Variants in CSMD1 observed in about 807,000 individuals in gnomAD.
CSMD1 encodes CUB and sushi domain-containing protein 1.
CSMD1 carries 213 observed loss-of-function variants against 417.5 expected under a neutral mutation model. The observed-to-expected ratio is 0.51, with a 90% CI of 0.46 to 0.57. The LOEUF is 0.57. Ranked by LOEUF, CSMD1 falls within the 20% of genes least tolerant of loss-of-function variation. CSMD1 has a pLI of 0.00. For synonymous variants in CSMD1, 2,862 were observed against 1,736.8 expected, an observed-to-expected ratio of 1.65 and a Z score of -16.11; for missense variants, 6,923 against 4,529.7, an observed-to-expected ratio of 1.53 and a Z score of -15.17.
At chr8:4,878,447 T>G (rs776380729) in intron 1 of CSMD1, among the ~76,000 whole-genome samples, 7 of 151,936 alleles carry the variant, frequency 4.6e-5, no homozygotes, top group Non-Finnish European at 8.8e-5. Flanking sequence ...CCTTGTGGGT[T>G]TTTTGGAGGA....
At chr8:3,813,138 C>A (rs1447560257) in intron 5 of CSMD1, among the ~76,000 whole-genome samples, 1 of 145,760 alleles carries the variant, frequency 6.9e-6, no homozygotes, top group African/African-American at 2.6e-5. Flanking sequence ...CACATATGTT[C>A]CCACTGGCAT....
At chr8:3,503,188 A>C (rs751139933) in intron 10 of CSMD1, among the ~76,000 whole-genome samples, 1 of 152,262 alleles carries the variant, frequency 6.6e-6, no homozygotes, top group Non-Finnish European at 1.5e-5. Context: ...CTTTGAACAC[A>C]CACACCCACA....
At chr8:3,425,746 C>A (rs957110441) in intron 12 of CSMD1, among the ~76,000 whole-genome samples, 16 of 152,144 alleles carry the variant, frequency 1.1e-4, no homozygotes, top group African/African-American at 2.4e-5. Context: ...GTTCGGATAC[C>A]CTTTTTCTCT....
chr8:2,969,592 G>C (rs1249691177), intron 57 of CSMD1, among the ~76,000 whole-genome samples: 1 of 152,034 alleles, frequency 6.6e-6, no homozygotes, highest in Non-Finnish European at 1.5e-5. Flanking sequence ...GACAGATTTA[G>C]AGGAAATAAT....
At chr8:3,472,495 A>C (rs1585214958) in intron 11 of CSMD1, among the ~76,000 whole-genome samples, 1 of 151,454 alleles carries the variant, frequency 6.6e-6, no homozygotes, top group Admixed American at 6.6e-5. Context: ...CTCTGACAAA[A>C]CTCCAACTTG....
intron 25 of CSMD1, among the ~76,000 whole-genome samples, chr8:3,298,136 CAG>C (rs912673175): frequency 1.3e-5 from 2 of 152,130 alleles, no homozygotes; most frequent in African/African-American, 4.8e-5. Flanking sequence ...TACACCCTCT[CAG>C]GGAGTGAGGG....
chr8:4,398,497 A>T (rs1164932158), intron 3 of CSMD1, among the ~76,000 whole-genome samples: 2 of 140,580 alleles, frequency 1.4e-5, no homozygotes. Flanking sequence ...GGTTCACGCC[A>T]TTCTCCTAGC....
chr8:4,106,968 G>A (rs144355525), intron 3 of CSMD1, among the ~76,000 whole-genome samples: 227 of 152,266 alleles, frequency 1.5e-3, no homozygotes, highest in African/African-American at 5.2e-3. Context: ...GAAGCTCTAC[G>A]TCAGAGACTC....
At chr8:4,870,467 A>C (rs565423689) in intron 1 of CSMD1, among the ~76,000 whole-genome samples, 1 of 152,276 alleles carries the variant, frequency 6.6e-6, no homozygotes, top group Non-Finnish European at 1.5e-5. Context: ...GTATAGAGCC[A>C]GTCTTTCTTT....
Position 3,087,207 on chromosome 8 carries a change from A to G in CSMD1, c.7364T>C (p.Val2455Ala). Residue 2455 changes from valine to alanine, a missense_variant, in exon 49 of 70, where the codon GTG becomes GCG. By Grantham distance (64) the Val-to-Ala change is moderately conservative (BLOSUM62 0). Coordinates refer to ENST00000635120, the MANE Select transcript of CSMD1 (RefSeq NM_033225.6). The part of the protein sequence containing the change: ...NRTAGAVGSK[V>A]HYFCKPGYRM... Reference sequence around the variant, plus strand: ...GTATCCAGGCTTGCAAAAATAATGCACTTTGCTTCCAACCGCTCCTGCAGT... The same window carrying G: ...GTATCCAGGCTTGCAAAAATAATGCGCTTTGCTTCCAACCGCTCCTGCAGT... The G allele has an allele frequency of 6.2e-7, 1 of 1,613,928 alleles. No homozygotes were observed. Among genetic ancestry groups the G allele is most frequent in the Non-Finnish European group, 8.5e-7 (1 of 1,179,878 alleles).
intron 7 of CSMD1, among the ~76,000 whole-genome samples, chr8:3,680,772 T>G (rs2449192): frequency 0.17 from 25,488 of 152,128 alleles, 2,397 homozygotes; most frequent in African/African-American, 0.26. Flanking sequence ...TGATGAACAT[T>G]GATGCAAAAA....
chr8:3,418,865 T>G lies in CSMD1; in HGVS notation c.1562-9260A>C, dbSNP rs918152858. On this transcript the variant is annotated intron_variant, in intron 12 of 69. Transcript: ENST00000635120. ...CCTTTTTAATATTATAGATTTCTTTTAAAGACATAGAAAACGAATACAACA... is the reference window on the plus strand; with the variant it reads ...CCTTTTTAATATTATAGATTTCTTTGAAAGACATAGAAAACGAATACAACA... 5.3e-5 allele frequency among the ~76,000 whole-genome samples: 8 copies of G among 152,192 alleles called. No individual in the cohort carries two copies. The South Asian group carries it at 1.7e-3, about 32-fold the overall frequency.
chr8:3,820,061 C>G (rs1247061039), intron 5 of CSMD1, among the ~76,000 whole-genome samples: 1 of 152,170 alleles, frequency 6.6e-6, no homozygotes, highest in Non-Finnish European at 1.5e-5. Flanking sequence ...GAGTACATTT[C>G]CACTTAAGAC....
intron 2 of CSMD1, among the ~76,000 whole-genome samples, chr8:4,626,975 T>C (rs1351790590): frequency 6.6e-6 from 1 of 152,126 alleles, no homozygotes; most frequent in Non-Finnish European, 1.5e-5. Context: ...AGTAGGTGAG[T>C]GTATTTATTG....
intron 3 of CSMD1, among the ~76,000 whole-genome samples, chr8:4,234,388 C>T (rs1272109271): frequency 1.3e-5 from 2 of 152,040 alleles, no homozygotes; most frequent in African/African-American, 4.8e-5. Flanking sequence ...TGGCAGCCAC[C>T]GGCATTCCTG....
chr8:4,467,940 C>A (rs1000349974), intron 2 of CSMD1, among the ~76,000 whole-genome samples: 1 of 152,086 alleles, frequency 6.6e-6, no homozygotes, highest in Non-Finnish European at 1.5e-5. Flanking sequence ...CATTCCTGAA[C>A]TAACAAAGTA....
At position 3,042,866 on chromosome 8, in the gene CSMD1, C is replaced by CA. The variant is rs538644147; in HGVS notation, c.7660+9595dup. Among the ~76,000 whole-genome samples the CA allele has an allele frequency of 2.1e-3, 326 of 151,854 alleles. 3 individuals are homozygous for CA. Among genetic ancestry groups the CA allele is most frequent in the African/African-American group, 6.6e-3 (274 of 41,372 alleles). ...CTAGTACTGCAGGATTATACGTACA[C>CA]AGAGTACTATAGTGAATATAGTATA... On this transcript the variant is annotated intron_variant, in intron 50 of 69. Coordinates refer to ENST00000635120, the MANE Select transcript of CSMD1 (RefSeq NM_033225.6).
intron 6 of CSMD1, among the ~76,000 whole-genome samples, chr8:3,737,619 C>A (rs1412918466): frequency 1.3e-5 from 2 of 152,164 alleles, no homozygotes; most frequent in East Asian, 1.9e-4. Context: ...CTCTCAGTTA[C>A]TAAGCTTTTT....
chr8:4,189,320 C>T (rs866518377), intron 3 of CSMD1, among the ~76,000 whole-genome samples: 1 of 152,088 alleles, frequency 6.6e-6, no homozygotes, highest in Non-Finnish European at 1.5e-5. Context: ...CAAGATGAAG[C>T]CTGGTGCCAA....
Sources: gnomAD v4.1 joint callset for allele counts (sites outside exome capture counted in the v4.1 genomes callset) on GRCh38, gnomAD v4.1.1 for gene constraint, MANE v1.5 for transcripts, NCBI Gene and HGNC (gene_info 2026-07-23, HGNC 2026-07-21) for gene names.